MAP3K20: variants seen among roughly 807,000 people sequenced by gnomAD.
The protein encoded by MAP3K20 is HCCS-4.
In MAP3K20, 40 loss-of-function variants were observed where a neutral mutation model predicts 85.7. The observed-to-expected ratio is 0.47, with a 90% CI of 0.36 to 0.61. MAP3K20 has a LOEUF of 0.61. Among genes scored for constraint, MAP3K20 ranks in the 20% least tolerant of loss-of-function variants. The probability of loss-of-function intolerance (pLI) is 0.00; values close to 1 mark genes in which losing one functional copy is unlikely to be tolerated. For missense variants in MAP3K20, 817 were observed against 961.7 expected, an observed-to-expected ratio of 0.85 and a Z score of 1.99; for synonymous variants, 325 against 327.7, an observed-to-expected ratio of 0.99 and a Z score of 0.09.
chr2:173,229,421 T>C lies in MAP3K20; in HGVS notation c.988-268T>C, dbSNP rs995318085. ...AAATTGCTTGACTGCTGAGGCTTGATTGTGGGATGTAAAAACCAGGTACCA... is the reference window on the plus strand; with the variant it reads ...AAATTGCTTGACTGCTGAGGCTTGACTGTGGGATGTAAAAACCAGGTACCA... On this transcript the variant is annotated intron_variant, in intron 11 of 19. Transcript: ENST00000375213. Among the ~76,000 whole-genome samples, 17 of 152,296 alleles carry C rather than the reference T, an allele frequency of 1.1e-4. No homozygotes were observed. In the East Asian group the frequency reaches 3.1e-3, roughly 28 times the overall value.
chr2:173,119,711 T>C lies in MAP3K20; in HGVS notation c.159+28521T>C, dbSNP rs144576059. On this transcript the variant is annotated intron_variant, in intron 2 of 19. Transcript: ENST00000375213. Reference sequence around the variant, plus strand: ...CCATCTACACACACTTGAACTTCCATGTAATAATGAAACAGTTCTATTTTT... The same window carrying C: ...CCATCTACACACACTTGAACTTCCACGTAATAATGAAACAGTTCTATTTTT... Among the ~76,000 whole-genome samples, 221 of 152,328 alleles carry C rather than the reference T, an allele frequency of 1.5e-3. 1 individual carries two copies. The highest frequency in any genetic ancestry group is 5.0e-3 in the African/African-American group (208 of 41,574).
chr2:173,143,437 C>G (rs987861693), intron 2 of MAP3K20, among the ~76,000 whole-genome samples: 1 of 152,158 alleles, frequency 6.6e-6, no homozygotes, highest in South Asian at 2.1e-4. Context: ...AGACATTATA[C>G]TTAACAACTA....
At chr2:173,080,568 A>G (rs1439954355) in intron 1 of MAP3K20, among the ~76,000 whole-genome samples, 1 of 152,252 alleles carries the variant, frequency 6.6e-6, no homozygotes, top group Non-Finnish European at 1.5e-5. Flanking sequence ...CTCCCAGGAT[A>G]ACAGTGAGAA....
intron 18 of MAP3K20, among the ~76,000 whole-genome samples, chr2:173,262,661 C>G (rs1289061403): frequency 1.3e-5 from 2 of 152,010 alleles, no homozygotes; most frequent in African/African-American, 4.8e-5. Context: ...CTTATCCAGG[C>G]TGGAAGCCAA....
intron 1 of MAP3K20, among the ~76,000 whole-genome samples, chr2:173,083,305 T>C (rs984623725): frequency 1.3e-5 from 2 of 152,224 alleles, no homozygotes; most frequent in African/African-American, 4.8e-5. Flanking sequence ...GTAGATACAG[T>C]ACAAGTTGGT....
intron 11 of MAP3K20, chr2:173,225,603 A>AC (rs1243831237): frequency 9.2e-5 from 89 of 965,932 alleles, no homozygotes; most frequent in East Asian, 1.2e-4. Context: ...CAAAAAAAAA[A>AC]AAAAACAAAA....
chr2:173,262,248 G>A (rs1405680642), intron 18 of MAP3K20, among the ~76,000 whole-genome samples: 1 of 152,124 alleles, frequency 6.6e-6, no homozygotes, highest in Non-Finnish European at 1.5e-5. Flanking sequence ...AGGACTCTGT[G>A]AGTGTGGCAT....
chr2:173,226,067 G>T (rs766396757), intron 11 of MAP3K20: 107 of 985,298 alleles, frequency 1.1e-4, no homozygotes, highest in Middle Eastern at 5.2e-4. Context: ...TGTTTTTGGT[G>T]CTCTGGAAAT....
At chr2:173,247,716 CTAAT>C (rs1186740532) in intron 16 of MAP3K20, among the ~76,000 whole-genome samples, 11 of 152,170 alleles carry the variant, frequency 7.2e-5, no homozygotes, top group African/African-American at 2.2e-4. Context: ...AAAATAATAA[CTAAT>C]AAATAAGAGG....
chr2:173,145,260 A>G (rs1689105381), intron 2 of MAP3K20, among the ~76,000 whole-genome samples: 3 of 152,132 alleles, frequency 2.0e-5, no homozygotes, highest in African/African-American at 7.2e-5. Context: ...AAAAAAGAAA[A>G]AAAAATTGGT....
intron 8 of MAP3K20, among the ~76,000 whole-genome samples, chr2:173,200,036 C>G (rs1690993295): frequency 6.6e-6 from 1 of 152,130 alleles, no homozygotes; most frequent in South Asian, 2.1e-4. Flanking sequence ...GAAGACTACT[C>G]AAATACTTCC....
At chr2:173,076,997 A>G (rs536332921) in intron 1 of MAP3K20, among the ~76,000 whole-genome samples, 7 of 152,362 alleles carry the variant, frequency 4.6e-5, no homozygotes, top group African/African-American at 7.2e-5. Context: ...GAGATCGCGC[A>G]TAAGTACTGT....
chr2:173,204,080 G>A (rs915826199), intron 9 of MAP3K20, among the ~76,000 whole-genome samples: 5 of 152,070 alleles, frequency 3.3e-5, no homozygotes, highest in African/African-American at 4.8e-5. Context: ...CTCATAGCAC[G>A]CTTTGACATT....
intron 11 of MAP3K20, chr2:173,224,368 AT>A (rs1271813826): frequency 1.0e-6 from 1 of 985,398 alleles, no homozygotes; most frequent in African/African-American, 1.7e-5. Context: ...TGAAATGGAC[AT>A]TTTTTCTTAA....
chr2:173,172,050 G>T (rs1459397551), intron 3 of MAP3K20, among the ~76,000 whole-genome samples: 1 of 152,204 alleles, frequency 6.6e-6, no homozygotes, highest in Non-Finnish European at 1.5e-5. Context: ...GTACAGCTAT[G>T]CTCTGTGCAT....
At chr2:173,240,106 A>T (rs1224370224) in intron 16 of MAP3K20, among the ~76,000 whole-genome samples, 1 of 152,252 alleles carries the variant, frequency 6.6e-6, no homozygotes, top group Non-Finnish European at 1.5e-5. Context: ...TGTACCAGGC[A>T]TACAGTACTG....
chr2:173,226,281 A>G, intron 11 of MAP3K20: 1 of 985,400 alleles, frequency 1.0e-6, no homozygotes, highest in Non-Finnish European at 1.2e-6. Flanking sequence ...TGGAATGGTA[A>G]GAGTTTTATG....
chr2:173,092,712 G>A (rs955333504), intron 2 of MAP3K20, among the ~76,000 whole-genome samples: 23 of 152,114 alleles, frequency 1.5e-4, no homozygotes, highest in African/African-American at 2.7e-4. Flanking sequence ...ATGATTGTTC[G>A]ATGTGAAAAA....
rs146558138 is a variant in MAP3K20, at chr2:173,232,013, A to C, written c.1033-179A>C. 4.5e-4 allele frequency among the ~76,000 whole-genome samples: 68 copies of C among 152,380 alleles called. 1 individual carries two copies. Among genetic ancestry groups the C allele is most frequent in the African/African-American group, 1.6e-3 (66 of 41,594 alleles). The stretch of plus-strand genomic sequence containing the variant: ...GTCCAAGACCCCCGAAGAGAGGGAT[A>C]TCTCCCATTTGAAAGCTTGAGGTTT... On this transcript the variant is annotated intron_variant, in intron 12 of 19. Coordinates refer to ENST00000375213, the MANE Select transcript of MAP3K20 (RefSeq NM_016653.3).
Sources: gnomAD v4.1 joint callset for allele counts (sites outside exome capture counted in the v4.1 genomes callset) on GRCh38, gnomAD v4.1.1 for gene constraint, MANE v1.5 for transcripts, NCBI Gene and HGNC (gene_info 2026-07-23, HGNC 2026-07-21) for gene names.